Variants in C12orf42 observed in about 807,000 individuals in gnomAD.
C12orf42 encodes uncharacterized protein C12orf42.
Under a neutral mutation model 21.6 loss-of-function variants are expected in C12orf42, and 25 were observed. The ratio of observed to expected loss-of-function variants is 1.16; its 90% CI spans 0.84 to 1.62. The LOEUF is 1.62. Among genes scored for constraint, C12orf42 ranks in the 40% most tolerant of loss-of-function variants. The pLI, the probability that C12orf42 is intolerant of heterozygous loss-of-function variation, is 0.00. For synonymous variants in C12orf42, 174 were observed against 175.0 expected, an observed-to-expected ratio of 0.99 and a Z score of 0.05; for missense variants, 483 against 459.3, an observed-to-expected ratio of 1.05 and a Z score of -0.47.
the C12orf42 span, among the ~76,000 whole-genome samples, chr12:103,553,740 G>A: frequency 9.9e-5 from 15 of 152,158 alleles, no homozygotes; most frequent in African/African-American, 3.6e-4. Flanking sequence ...TCTGTTTTTA[G>A]TAAGTGCCCA....
chr12:103,054,053 C>T, the C12orf42 span, among the ~76,000 whole-genome samples: 4 of 151,810 alleles, frequency 2.6e-5, no homozygotes, highest in African/African-American at 9.7e-5. Flanking sequence ...TTTCCAAAAT[C>T]ATTTTAGTTA....
At chr12:103,274,014 T>C in intron 5 of C12orf42, 2 of 443,044 alleles carry the variant, frequency 4.5e-6, no homozygotes, top group South Asian at 1.6e-5. Flanking sequence ...TCCTGCTTTT[T>C]TAGTTCCTCT....
At chr12:103,351,659 G>A (rs113387469) in intron 4 of C12orf42, among the ~76,000 whole-genome samples, 1 of 151,988 alleles carries the variant, frequency 6.6e-6, no homozygotes, top group African/African-American at 2.4e-5. Context: ...CCAAGAAGAA[G>A]TCGGGTAGAA....
the C12orf42 span, among the ~76,000 whole-genome samples, chr12:103,078,058 G>C: frequency 6.6e-6 from 1 of 152,180 alleles, no homozygotes; most frequent in Non-Finnish European, 1.5e-5. Context: ...CTTTAGCTCT[G>C]TCACTCCCTA....
chr12:103,265,623 A>G (rs2136236587), downstream of C12orf42, among the ~76,000 whole-genome samples: 1 of 152,300 alleles, frequency 6.6e-6, no homozygotes, highest in Non-Finnish European at 1.5e-5. Flanking sequence ...GGTGACAAAG[A>G]CAAGATGCTG....
chr12:103,341,806 C>T (rs1430383171), intron 4 of C12orf42, among the ~76,000 whole-genome samples: 2 of 151,968 alleles, frequency 1.3e-5, no homozygotes, highest in African/African-American at 4.8e-5. Context: ...CCCACAGTAA[C>T]ATAATCAAAA....
the C12orf42 span, among the ~76,000 whole-genome samples, chr12:103,128,159 G>A: frequency 6.6e-6 from 1 of 152,092 alleles, no homozygotes. Flanking sequence ...TTGAGGGGAG[G>A]GATCATGCTT....
At chr12:103,243,358 T>A (rs2033848890) in intron 10 of C12orf42, among the ~76,000 whole-genome samples, 1 of 151,960 alleles carries the variant, frequency 6.6e-6, no homozygotes. Context: ...TATATGAAAG[T>A]AAGTAAAAAT....
the C12orf42 span, among the ~76,000 whole-genome samples, chr12:103,189,381 G>A: frequency 1.9e-3 from 282 of 152,306 alleles, 1 homozygote; most frequent in African/African-American, 6.6e-3. Context: ...GATGTCAGCA[G>A]GATAGAGATT....
chr12:103,522,361 G>T, the C12orf42 span, among the ~76,000 whole-genome samples: 2 of 152,120 alleles, frequency 1.3e-5, no homozygotes, highest in East Asian at 3.9e-4. Flanking sequence ...AAATTACCCA[G>T]TCTTGGGTAT....
the C12orf42 span, among the ~76,000 whole-genome samples, chr12:103,226,799 G>A: frequency 1.6e-4 from 24 of 152,236 alleles, no homozygotes; most frequent in East Asian, 3.9e-4. Flanking sequence ...ACTCAACGAC[G>A]CTTGTGGTTG....
chr12:103,309,578 T>A (rs187721706), intron 4 of C12orf42, among the ~76,000 whole-genome samples: 3 of 152,260 alleles, frequency 2.0e-5, no homozygotes, highest in Admixed American at 2.0e-4. Context: ...AACCTCTGCC[T>A]TGTTCAAAGG....
intron 3 of C12orf42, among the ~76,000 whole-genome samples, chr12:103,395,547 G>T (rs1056907090): frequency 5.9e-5 from 9 of 152,246 alleles, no homozygotes; most frequent in Admixed American, 5.2e-4. Context: ...GTGTTAGGCA[G>T]GATGGTCTCG....
chr12:103,536,203 T>C, the C12orf42 span, among the ~76,000 whole-genome samples: 1 of 152,176 alleles, frequency 6.6e-6, no homozygotes, highest in African/African-American at 2.4e-5. Context: ...GAGTCAATAA[T>C]GAACCTCAGT....
intron 4 of C12orf42, among the ~76,000 whole-genome samples, chr12:103,361,723 G>A (rs2044128233): frequency 6.6e-6 from 1 of 151,970 alleles, no homozygotes; most frequent in Non-Finnish European, 1.5e-5. Context: ...TGAGGCCTGT[G>A]ACTGCCAGCT....
chr12:103,403,948 G>A (rs905770452), intron 2 of C12orf42, among the ~76,000 whole-genome samples: 17 of 152,168 alleles, frequency 1.1e-4, no homozygotes, highest in African/African-American at 3.9e-4. Flanking sequence ...TGGCACAACA[G>A]GGTGGCATCA....
intron 10 of C12orf42, among the ~76,000 whole-genome samples, chr12:103,258,435 C>T (rs1565999697): frequency 6.6e-6 from 1 of 152,088 alleles, no homozygotes; most frequent in African/African-American, 2.4e-5. Flanking sequence ...GACACCCCAT[C>T]ACCACATCAC....
At chr12:103,087,594 A>G in the C12orf42 span, among the ~76,000 whole-genome samples, 1 of 152,260 alleles carries the variant, frequency 6.6e-6, no homozygotes, top group Non-Finnish European at 1.5e-5. Flanking sequence ...ATACTGATTT[A>G]TAATAACACT....
At chr12:103,102,753 T>A in the C12orf42 span, among the ~76,000 whole-genome samples, 2 of 152,204 alleles carry the variant, frequency 1.3e-5, no homozygotes, top group African/African-American at 4.8e-5. Context: ...GTAGGTCAGA[T>A]GTCAGGTTGA....
Sources: gnomAD v4.1 joint callset for allele counts (sites outside exome capture counted in the v4.1 genomes callset) on GRCh38, gnomAD v4.1.1 for gene constraint, MANE v1.5 for transcripts, NCBI Gene and HGNC (gene_info 2026-07-23, HGNC 2026-07-21) for gene names.